Variants in DIP2C observed in about 807,000 individuals in gnomAD.
DIP2C encodes DIP2 acetate--CoA ligase C (putative).
A neutral mutation model predicts 192.4 loss-of-function variants in DIP2C; 33 were observed. The observed-to-expected ratio is 0.17, with a 90% CI of 0.13 to 0.23. The LOEUF is 0.23. Among genes scored for constraint, DIP2C ranks in the 10% least tolerant of loss-of-function variants. The pLI is 1.00. For synonymous variants in DIP2C, 979 were observed against 864.1 expected, an observed-to-expected ratio of 1.13 and a Z score of -2.33; for missense variants, 1,537 against 2,110.1, an observed-to-expected ratio of 0.73 and a Z score of 5.32.
At chr10:654,204 T>G (rs1856135193) in intron 1 of DIP2C, among the ~76,000 whole-genome samples, 1 of 152,214 alleles carries the variant, frequency 6.6e-6, no homozygotes. Context: ...AGTGACGCTT[T>G]CATTCTTCAC....
intron 1 of DIP2C, among the ~76,000 whole-genome samples, chr10:661,053 T>G (rs1588709402): frequency 6.6e-6 from 1 of 152,168 alleles, no homozygotes; most frequent in Non-Finnish European, 1.5e-5. Context: ...GGTTGAGGCT[T>G]TTCTGCAGAC....
chr10:540,347 G>A (rs887003089), intron 1 of DIP2C, among the ~76,000 whole-genome samples: 1 of 152,248 alleles, frequency 6.6e-6, no homozygotes, highest in East Asian at 1.9e-4. Flanking sequence ...AAGTGCCCCC[G>A]TCACAGGGGG....
intron 31 of DIP2C, among the ~76,000 whole-genome samples, chr10:323,824 T>C (rs966678400): frequency 6.6e-6 from 1 of 152,222 alleles, no homozygotes; most frequent in African/African-American, 2.4e-5. Flanking sequence ...GTACATTTAA[T>C]GTACCAGGCA....
At chr10:425,717 G>T in intron 4 of DIP2C, among the ~76,000 whole-genome samples, 1 of 150,932 alleles carries the variant, frequency 6.6e-6, no homozygotes, top group Admixed American at 6.9e-5. Context: ...AGAGCGACAG[G>T]AATTCAGGTT....
chr10:534,500 A>C (rs1203139689), intron 1 of DIP2C, among the ~76,000 whole-genome samples: 2 of 152,214 alleles, frequency 1.3e-5, no homozygotes, highest in African/African-American at 4.8e-5. Context: ...CCTTTAAAAA[A>C]AGATACAACA....
chr10:517,532 G>A (rs12355162), intron 1 of DIP2C, among the ~76,000 whole-genome samples: 38,501 of 152,108 alleles, frequency 0.25, 6,070 homozygotes, highest in Non-Finnish European at 0.35. Context: ...AGGTGTTTGG[G>A]AAAAGCCTCC....
chr10:569,559 A>C (rs941032953), intron 1 of DIP2C, among the ~76,000 whole-genome samples: 3 of 152,232 alleles, frequency 2.0e-5, no homozygotes, highest in South Asian at 4.1e-4. Context: ...TGAAATTGGG[A>C]ATAACATTCG....
chr10:599,959 G>A (rs1005203577), intron 1 of DIP2C, among the ~76,000 whole-genome samples: 115 of 152,260 alleles, frequency 7.6e-4, no homozygotes, highest in African/African-American at 2.5e-3. Context: ...TGTGCAGGAG[G>A]GGGCTTCCAG....
chr10:309,102 C>T (rs1956461910), intron 32 of DIP2C, among the ~76,000 whole-genome samples: 1 of 152,164 alleles, frequency 6.6e-6, no homozygotes, highest in African/African-American at 2.4e-5. Context: ...TGAACGGGCA[C>T]CTCTACAGTC....
intron 1 of DIP2C, among the ~76,000 whole-genome samples, chr10:612,777 CAG>C (rs1428012967): frequency 3.9e-5 from 6 of 152,250 alleles, no homozygotes; most frequent in East Asian, 3.9e-4. Flanking sequence ...TTGCTTTGAA[CAG>C]AGTCTCAAGA....
At chr10:610,054 C>G (rs2131769478) in intron 1 of DIP2C, among the ~76,000 whole-genome samples, 1 of 152,270 alleles carries the variant, frequency 6.6e-6, no homozygotes, top group Middle Eastern at 3.4e-3. Context: ...CCGTCCACAG[C>G]AGCCAAGATC....
At chr10:560,729 C>G (rs544199465) in intron 1 of DIP2C, among the ~76,000 whole-genome samples, 174 of 152,326 alleles carry the variant, frequency 1.1e-3, no homozygotes, top group African/African-American at 4.1e-3. Context: ...TCTAGGCCCC[C>G]CTGGCCATCT....
intron 5 of DIP2C, among the ~76,000 whole-genome samples, chr10:420,229 A>C (rs1966089099): frequency 6.6e-6 from 1 of 152,248 alleles, no homozygotes; most frequent in Admixed American, 6.5e-5. Flanking sequence ...GCACAAAAAC[A>C]GGACACAGAA....
chr10:650,418 C>T, intron 1 of DIP2C: 1 of 714,016 alleles, frequency 1.4e-6, no homozygotes, highest in Non-Finnish European at 2.6e-6. Flanking sequence ...GAGAAGAACG[C>T]AGGCCGACAA....
chr10:465,423 C>A (rs1241229788), intron 3 of DIP2C, among the ~76,000 whole-genome samples: 1 of 151,730 alleles, frequency 6.6e-6, no homozygotes, highest in Non-Finnish European at 1.5e-5. Flanking sequence ...AAACCCACAG[C>A]CAATATCATA....
intron 1 of DIP2C, among the ~76,000 whole-genome samples, chr10:526,415 C>CA (rs1304439210): frequency 2.0e-5 from 3 of 151,650 alleles, no homozygotes; most frequent in East Asian, 3.9e-4. Context: ...AGGTTCATAC[C>CA]ACTGTAGAGA....
intron 36 of DIP2C, among the ~76,000 whole-genome samples, chr10:277,796 C>T (rs1241495286): frequency 1.3e-5 from 2 of 152,106 alleles, no homozygotes; most frequent in Non-Finnish European, 2.9e-5. Flanking sequence ...CCTTCTCTCT[C>T]GGTGGCTTCT....
At chr10:403,830 C>T (rs546898400) in intron 9 of DIP2C, among the ~76,000 whole-genome samples, 4 of 125,236 alleles carry the variant, frequency 3.2e-5, no homozygotes, top group African/African-American at 1.2e-4. Flanking sequence ...TTTTCATCAG[C>T]ACATGAATCC....
chr10:484,970 CTAAT>C (rs758771718), intron 2 of DIP2C: 78 of 1,589,942 alleles, frequency 4.9e-5, no homozygotes, highest in Non-Finnish European at 5.4e-5. Flanking sequence ...TGAAAAAAAA[CTAAT>C]TAATTCAAAC....
Sources: gnomAD v4.1 joint callset for allele counts (sites outside exome capture counted in the v4.1 genomes callset) on GRCh38, gnomAD v4.1.1 for gene constraint, MANE v1.5 for transcripts, NCBI Gene and HGNC (gene_info 2026-07-23, HGNC 2026-07-21) for gene names.